Variants in SPATA13 observed in about 807,000 individuals in gnomAD.
SPATA13 encodes the protein spermatogenesis associated 13, also known as spermatogenesis-associated protein 13.
A neutral mutation model predicts 104.0 loss-of-function variants in SPATA13; 50 were observed. The ratio of observed to expected loss-of-function variants is 0.48; its 90% CI spans 0.38 to 0.61. The LOEUF is 0.61. SPATA13 is among the 20% of genes least tolerant of loss of function. The pLI is 0.00. For synonymous variants in SPATA13, 606 were observed against 667.5 expected, an observed-to-expected ratio of 0.91 and a Z score of 1.42; for missense variants, 1,524 against 1,690.6, an observed-to-expected ratio of 0.90 and a Z score of 1.73.
chr13:24,149,691 G>T (rs1339710727), intron 3 of SPATA13, among the ~76,000 whole-genome samples: 1 of 152,182 alleles, frequency 6.6e-6, no homozygotes, highest in African/African-American at 2.4e-5. Context: ...GATGGGGGCG[G>T]GAAAGCTCCC....
intron 2 of SPATA13, among the ~76,000 whole-genome samples, chr13:24,227,077 T>C (rs1871985519): frequency 1.3e-5 from 2 of 152,166 alleles, no homozygotes; most frequent in Non-Finnish European, 1.5e-5. Flanking sequence ...TCCAGTTCTG[T>C]TGGCTCCTGT....
intron 3 of SPATA13, among the ~76,000 whole-genome samples, chr13:24,113,832 T>TAC (rs2137815874): frequency 8.2e-6 from 1 of 122,328 alleles, no homozygotes; most frequent in Admixed American, 1.1e-4. Flanking sequence ...ATTGCACCAC[T>TAC]ACACTCCAGT....
intron 1 of SPATA13, among the ~76,000 whole-genome samples, chr13:24,176,921 G>A (rs137987283): frequency 1.7e-4 from 26 of 152,144 alleles, no homozygotes; most frequent in Admixed American, 7.8e-4. Context: ...GTGCCACCAC[G>A]CGCAGCTTAT....
At chr13:24,013,662 AC>A (rs1876578503) in intron 2 of SPATA13, among the ~76,000 whole-genome samples, 1 of 145,306 alleles carries the variant, frequency 6.9e-6, no homozygotes, top group Non-Finnish European at 1.5e-5. Flanking sequence ...TTCATTCCTT[AC>A]CACCCACTTG....
At chr13:24,076,329 A>ACTCT (rs1442169859) in intron 3 of SPATA13, among the ~76,000 whole-genome samples, 1 of 152,092 alleles carries the variant, frequency 6.6e-6, no homozygotes, top group Non-Finnish European at 1.5e-5. Context: ...TGCCTGGCAG[A>ACTCT]CTCTCCGTCC....
At chr13:23,986,856 A>G (rs1262518361) in intron 2 of SPATA13, among the ~76,000 whole-genome samples, 3 of 152,138 alleles carry the variant, frequency 2.0e-5, no homozygotes, top group Non-Finnish European at 4.4e-5. Flanking sequence ...AGATGTCTGC[A>G]GTTTCCTCAG....
At chr13:24,282,272 A>G (rs746442764) in intron 4 of SPATA13, among the ~76,000 whole-genome samples, 3 of 152,194 alleles carry the variant, frequency 2.0e-5, no homozygotes, top group African/African-American at 4.8e-5. Flanking sequence ...ATTGATCCGA[A>G]TATAAAACAT....
At chr13:24,055,497 T>TTTAAAACATG (rs1252215801) in intron 3 of SPATA13, among the ~76,000 whole-genome samples, 31 of 152,230 alleles carry the variant, frequency 2.0e-4, no homozygotes, top group African/African-American at 7.2e-4. Flanking sequence ...CATGCAGAGG[T>TTTAAAACATG]CTTAGAACAG....
chr13:24,006,532 C>G (rs7139885), intron 2 of SPATA13, among the ~76,000 whole-genome samples: 73,221 of 152,076 alleles, frequency 0.48, 18,412 homozygotes, highest in African/African-American at 0.64. Context: ...GCACGAGGTG[C>G]GGCAGAGGAG....
At position 24,051,569 on chromosome 13, in the gene SPATA13, A is replaced by C. The variant is rs947832595; in HGVS notation, c.-112+33868A>C. ...GTCCATAGAAGGAAGCCAGGGAGTA[A>C]ATGCTTCCTCCGTCTCCCTGCTGGT... On this transcript the variant is annotated intron_variant, in intron 3 of 14. Transcript: ENST00000424834. This position sits in a 1 kb window ranked among gnomAD's most constrained non-coding sequence, Gnocchi z 4.2. Among the ~76,000 whole-genome samples, 27 of 152,110 alleles carry C rather than the reference A, an allele frequency of 1.8e-4. No homozygotes were observed. The highest frequency in any genetic ancestry group is 6.5e-4 in the African/African-American group (27 of 41,446).
chr13:24,023,081 C>T lies in SPATA13; in HGVS notation c.-112+5380C>T, dbSNP rs185140804. On this transcript the variant is annotated intron_variant, in intron 3 of 14. Transcript: ENST00000424834. Reference sequence around the variant, plus strand: ...ATTAGGTATTTCTCCCAATGCTATCCCTCCCCTCACCTCCCACCCCATGAC... The same window carrying T: ...ATTAGGTATTTCTCCCAATGCTATCTCTCCCCTCACCTCCCACCCCATGAC... Among the ~76,000 whole-genome samples, 6 of 152,140 alleles carry T rather than the reference C, an allele frequency of 3.9e-5. No individual in the cohort carries two copies. The East Asian group carries it at 1.2e-3, about 29-fold the overall frequency.
intron 2 of SPATA13, among the ~76,000 whole-genome samples, chr13:24,017,289 C>T (rs1353542163): frequency 1.3e-5 from 2 of 152,188 alleles, no homozygotes; most frequent in Non-Finnish European, 2.9e-5. Flanking sequence ...GAATAATTTG[C>T]CTGGGCGTGC....
intron 3 of SPATA13, among the ~76,000 whole-genome samples, chr13:24,140,914 G>A (rs1406191703): frequency 1.3e-5 from 2 of 152,170 alleles, no homozygotes; most frequent in South Asian, 2.1e-4. Context: ...TGTGGCTCAC[G>A]CCTGTAACGC....
At chr13:24,070,094 G>A (rs1879103698) in intron 3 of SPATA13, among the ~76,000 whole-genome samples, 2 of 152,322 alleles carry the variant, frequency 1.3e-5, no homozygotes, top group Middle Eastern at 3.4e-3. Context: ...CTTGGACGGT[G>A]TTTCACATAC....
chr13:23,990,619 T>C (rs1875367647), intron 2 of SPATA13, among the ~76,000 whole-genome samples: 2 of 152,216 alleles, frequency 1.3e-5, no homozygotes, highest in Non-Finnish European at 2.9e-5. Context: ...TCTTCTCAGA[T>C]CCAGCATGTC....
chr13:24,123,279 T>G, intron 3 of SPATA13: 1 of 1,589,788 alleles, frequency 6.3e-7, no homozygotes, highest in Non-Finnish European at 8.6e-7. Flanking sequence ...TTCTCTATCA[T>G]CAATCAGACA....
chr13:24,063,291 A>G, intron 3 of SPATA13, among the ~76,000 whole-genome samples: 1 of 152,184 alleles, frequency 6.6e-6, no homozygotes, highest in Non-Finnish European at 1.5e-5. Context: ...AGGATATCTG[A>G]TTTTTTAATT....
intron 3 of SPATA13, among the ~76,000 whole-genome samples, chr13:24,128,518 T>A (rs1438439321): frequency 6.6e-6 from 1 of 152,116 alleles, no homozygotes; most frequent in Non-Finnish European, 1.5e-5. Flanking sequence ...TGGGTCCAGG[T>A]CATGCTTCTC....
At chr13:24,022,328 C>T (rs145786559) in intron 3 of SPATA13, among the ~76,000 whole-genome samples, 63 of 152,308 alleles carry the variant, frequency 4.1e-4, no homozygotes, top group African/African-American at 1.5e-3. Context: ...TGAGCCACTG[C>T]GCCTGGCGAA....
Sources: allele counts gnomAD v4.1 joint callset (sites outside exome capture counted in the v4.1 genomes callset), GRCh38; gene constraint gnomAD v4.1.1; non-coding constraint Gnocchi (gnomAD v3.1); transcripts MANE v1.5; gene names NCBI Gene and HGNC (gene_info 2026-07-23, HGNC 2026-07-21).